SERPINA6: variants seen among roughly 807,000 people sequenced by gnomAD.
SERPINA6 encodes the protein serpin family A member 6.
Under a neutral mutation model 26.4 loss-of-function variants are expected in SERPINA6, and 19 were observed. The ratio of observed to expected loss-of-function variants is 0.72; its 90% confidence interval spans 0.50 to 1.06. The LOEUF is 1.06. Among genes scored for constraint, SERPINA6 ranks in the 50% least tolerant of loss-of-function variants. The probability of loss-of-function intolerance (pLI) is 0.00; values close to 1 mark genes in which losing one functional copy is unlikely to be tolerated. For synonymous variants in SERPINA6, 196 were observed against 199.4 expected (o/e 0.98, Z 0.14); for missense variants, 473 against 504.0 (o/e 0.94, Z 0.59).
chr14:94,306,637 G>A (rs1484966355), intron 3 of SERPINA6, among the ~76,000 whole-genome samples: 1 of 152,210 alleles, frequency 6.6e-6, no homozygotes, highest in Non-Finnish European at 1.5e-5. Flanking sequence ...CACTAATGCT[G>A]TGTGGCCTTT....
intron 1 of SERPINA6, 52 bp from the exon 2 acceptor site, chr14:94,314,719 G>C (rs1186982742): frequency 6.4e-7 from 1 of 1,562,284 alleles, no homozygotes; most frequent in Non-Finnish European, 8.7e-7. Context: ...TGAGTCAATG[G>C]GGCGTAGTGC....
intron 4 of SERPINA6, 63 bp from the exon 5 acceptor site, chr14:94,304,666 A>T: frequency 1.4e-6 from 2 of 1,402,268 alleles, no homozygotes; most frequent in Non-Finnish European, 2.0e-6. Flanking sequence ...TTCCTGACTC[A>T]TTGCTGGGAC....
intron 1 of SERPINA6, 67 bp from the exon 2 acceptor site, chr14:94,314,734 G>C: frequency 6.7e-7 from 1 of 1,502,412 alleles, no homozygotes; most frequent in South Asian, 1.1e-5. Flanking sequence ...TAGTGCAAGA[G>C]GAGGCAGGCA....
Position 94,309,823 on chromosome 14 carries a change from A to G in SERPINA6, c.797T>C (p.Ile266Thr), listed in dbSNP as rs781312328. The G allele has an allele frequency of 6.2e-7, 1 of 1,614,202 alleles. No homozygotes were observed. The highest frequency in any genetic ancestry group is 1.7e-5 in the Admixed American group (1 of 60,028). Residue 266 changes from isoleucine (I) to threonine (T), a missense_variant, in exon 3 of 5, where the codon ATC becomes ACC. Ile to Thr is a moderately conservative substitution (Grantham distance 89). Coordinates refer to ENST00000341584, the MANE Select transcript of SERPINA6 (RefSeq NM_001756.4). ...NYVGNGTVFFILPDKGKMNTV... is the reference protein window; with the variant it reads ...NYVGNGTVFFTLPDKGKMNTV... Reference sequence around the variant, plus strand: ...GTTCATCTTCCCCTTGTCCGGAAGGATGAAGAAGACAGTCCCATTGCCCAC... The same window carrying G: ...GTTCATCTTCCCCTTGTCCGGAAGGGTGAAGAAGACAGTCCCATTGCCCAC...
At chr14:94,320,031 C>T (rs532387694) in intron 1 of SERPINA6, among the ~76,000 whole-genome samples, 1 of 152,020 alleles carries the variant, frequency 6.6e-6, no homozygotes, top group South Asian at 2.1e-4. Flanking sequence ...AAAAAAAATC[C>T]ACCCAAGGTT....
At chr14:94,319,402 C>A (rs1375200362) in intron 1 of SERPINA6, among the ~76,000 whole-genome samples, 1 of 152,134 alleles carries the variant, frequency 6.6e-6, no homozygotes, top group East Asian at 1.9e-4. Flanking sequence ...TATGACAGTT[C>A]TTTAAAAATT....
chr14:94,317,866 G>A (rs1895633375), intron 1 of SERPINA6, among the ~76,000 whole-genome samples: 1 of 152,186 alleles, frequency 6.6e-6, no homozygotes, highest in South Asian at 2.1e-4. Flanking sequence ...AATTGGGCAA[G>A]GAAAGAAAAG....
intron 2 of SERPINA6, among the ~76,000 whole-genome samples, chr14:94,313,586 G>A (rs1895563850): frequency 6.6e-6 from 1 of 152,204 alleles, no homozygotes; most frequent in Non-Finnish European, 1.5e-5. Context: ...AGAGCTTCCA[G>A]GTTTTTATGA....
chr14:94,320,525 C>T (rs1203129536), intron 1 of SERPINA6, among the ~76,000 whole-genome samples: 1 of 152,194 alleles, frequency 6.6e-6, no homozygotes, highest in Admixed American at 6.5e-5. Context: ...GTGGCACTCT[C>T]TGAACCTTTA....
chr14:94,307,263 C>A (rs1895454708), intron 3 of SERPINA6, among the ~76,000 whole-genome samples: 1 of 152,076 alleles, frequency 6.6e-6, no homozygotes, highest in Non-Finnish European at 1.5e-5. Flanking sequence ...CACATACGCA[C>A]CTATGAAGTC....
chr14:94,313,659 G>C (rs192424771), intron 2 of SERPINA6, among the ~76,000 whole-genome samples: 81 of 152,242 alleles, frequency 5.3e-4, no homozygotes, highest in Non-Finnish European at 1.0e-3. Flanking sequence ...ATGGCTTTGG[G>C]GGCATCTGGG....
At chr14:94,305,083 T>C (rs1361525287) in intron 4 of SERPINA6, among the ~76,000 whole-genome samples, 1 of 152,198 alleles carries the variant, frequency 6.6e-6, no homozygotes, top group Non-Finnish European at 1.5e-5. Flanking sequence ...GGAGGAGTTC[T>C]GAAGTCAGCA....
chr14:94,315,677 A>G (rs1160248483), intron 1 of SERPINA6, among the ~76,000 whole-genome samples: 2 of 152,190 alleles, frequency 1.3e-5, no homozygotes, highest in Non-Finnish European at 2.9e-5. Flanking sequence ...ATAGTAATCA[A>G]AAGAGAGCAG....
chr14:94,319,852 T>C (rs1895659828), intron 1 of SERPINA6, among the ~76,000 whole-genome samples: 1 of 152,104 alleles, frequency 6.6e-6, no homozygotes, highest in Admixed American at 6.5e-5. Context: ...TCTGGGATGA[T>C]GAAAAAGTTC....
At chr14:94,312,866 C>T (rs1299817598) in intron 2 of SERPINA6, among the ~76,000 whole-genome samples, 2 of 152,104 alleles carry the variant, frequency 1.3e-5, no homozygotes, top group Non-Finnish European at 2.9e-5. Flanking sequence ...CATGAGGGGT[C>T]CTGGCTGGGG....
At chr14:94,306,878 T>G (rs1034423457) in intron 3 of SERPINA6, among the ~76,000 whole-genome samples, 10 of 152,234 alleles carry the variant, frequency 6.6e-5, no homozygotes, top group Non-Finnish European at 1.5e-5. Context: ...CTTAGTGTTA[T>G]TTTTAAATTC....
At chr14:94,308,932 A>G (rs1189121177) in intron 3 of SERPINA6, among the ~76,000 whole-genome samples, 1 of 151,890 alleles carries the variant, frequency 6.6e-6, no homozygotes, top group East Asian at 1.9e-4. Context: ...TCACCATTCT[A>G]TGCACTCACT....
chr14:94,308,785 G>GTCCA (rs1166065039), intron 3 of SERPINA6, among the ~76,000 whole-genome samples: 4 of 152,172 alleles, frequency 2.6e-5, no homozygotes, highest in African/African-American at 9.7e-5. Context: ...TTGTGCATCT[G>GTCCA]TCCATCCATC....
Position 94,304,515 on chromosome 14 carries a change from G to A in SERPINA6, c.1121C>T (p.Pro374Leu), listed in dbSNP as rs772504845. Reference protein sequence around the residue: ...TGVTLNLTSKPIILRFNQPFI... With the variant: ...TGVTLNLTSKLIILRFNQPFI... ...GGGCTGGTTGAAACGCAAGATGATA[G>A]GCTTGGACGTCAGGTTTAGGGTGAC... Residue 374 changes from proline (P) to leucine (L), a missense_variant, in exon 5 of 5, where the codon CCT becomes CTT. By Grantham distance (98) the Pro-to-Leu change is moderately conservative (BLOSUM62 -3). Transcript: ENST00000341584. 6.2e-7 allele frequency: 1 copy of A among 1,614,180 alleles called. No individual in the cohort carries two copies. The highest frequency in any genetic ancestry group is 8.5e-7 in the Non-Finnish European group (1 of 1,180,022).
Sources: allele counts gnomAD v4.1 joint callset (sites outside exome capture counted in the v4.1 genomes callset), GRCh38; gene constraint gnomAD v4.1.1; transcripts MANE v1.5; gene names NCBI Gene and HGNC (gene_info 2026-07-23, HGNC 2026-07-21).